KLHL4: variants seen among roughly 807,000 people sequenced by gnomAD.
The protein encoded by KLHL4 is kelch like family member 4.
KLHL4 carries 17 observed loss-of-function variants against 45.8 expected under a neutral mutation model. That is an observed-to-expected ratio of 0.37 (90% CI 0.25 to 0.56). The LOEUF (loss-of-function observed/expected upper bound fraction) is 0.56. Among genes scored for constraint, KLHL4 ranks in the 20% least tolerant of loss-of-function variants. KLHL4 has a pLI of 0.79. For missense variants in KLHL4, 544 were observed against 544.9 expected (o/e 1.00, Z 0.02); for synonymous variants, 224 against 189.9 (o/e 1.18, Z -1.47).
chrX:87,633,694 A>G (rs1923171208), intron 7 of KLHL4, 55 bp from the exon 8 acceptor site: 2 of 1,006,840 alleles, frequency 2.0e-6, no homozygotes, highest in Non-Finnish European at 2.7e-6. Context: ...AAATGAAACA[A>G]TATTCAGTGT....
At chrX:87,583,692 C>T (rs1921363120) in intron 1 of KLHL4, among the ~76,000 whole-genome samples, 2 of 111,583 alleles carry the variant, frequency 1.8e-5, no homozygotes, top group Non-Finnish European at 1.9e-5. Context: ...AGTACATTGA[C>T]GGCCTTGGGT....
At chrX:87,593,844 G>C (rs971917917) in intron 1 of KLHL4, among the ~76,000 whole-genome samples, 4 of 111,270 alleles carry the variant, frequency 3.6e-5, no homozygotes, top group African/African-American at 1.3e-4. Context: ...GATCTTCACA[G>C]CCATCACCTT....
chrX:87,665,631 C>T (rs1231658501), intron 10 of KLHL4, among the ~76,000 whole-genome samples: 1 of 111,638 alleles, frequency 9.0e-6, no homozygotes, highest in Non-Finnish European at 1.9e-5. Context: ...ATATTTAATA[C>T]TTTGTCAATT....
intron 1 of KLHL4, among the ~76,000 whole-genome samples, chrX:87,579,231 T>C (rs1156578804): frequency 9.0e-6 from 1 of 111,004 alleles, no homozygotes; most frequent in Non-Finnish European, 1.9e-5. Flanking sequence ...AAAATCAGTC[T>C]GTAAATCTCT....
chrX:87,603,279 T>C (rs1002682299), intron 1 of KLHL4, among the ~76,000 whole-genome samples: 3 of 111,956 alleles, frequency 2.7e-5, no homozygotes, highest in Non-Finnish European at 5.6e-5. Flanking sequence ...GAGGCAAGCA[T>C]AACATCAAAA....
chrX:87,567,854 G>T (rs1211771012), intron 1 of KLHL4, among the ~76,000 whole-genome samples: 1 of 110,592 alleles, frequency 9.0e-6, no homozygotes, highest in African/African-American at 3.3e-5. Context: ...CCTAATGGGT[G>T]TTGTGCTCAC....
intron 1 of KLHL4, among the ~76,000 whole-genome samples, chrX:87,520,369 T>G (rs1930976340): frequency 8.9e-6 from 1 of 112,324 alleles, no homozygotes; most frequent in Admixed American, 9.5e-5. Context: ...GTAGTGAGTG[T>G]GGAGAATTAT....
rs1343215771 is a variant in KLHL4, at chrX:87,664,811, T to C, written c.1973T>C (p.Val658Ala). The C allele has an allele frequency of 8.3e-7, 1 of 1,202,109 alleles. No homozygotes were observed. The highest frequency in any genetic ancestry group is 1.1e-6 in the Non-Finnish European group (1 of 888,886). The change falls in exon 10 of 11, where the codon GTT (valine) becomes GCT (alanine). Residue 658 changes from valine (V) to alanine (A), a missense_variant. Physicochemically the swap from Val to Ala is moderately conservative, Grantham distance 64 (BLOSUM62 0). Coordinates refer to ENST00000373119, the MANE Select transcript of KLHL4 (RefSeq NM_019117.5). ...DSWSTVAPLS[V>A]PRDAVAVCPL... ...TGGTCAACTGTGGCACCTCTGAGTG[T>C]TCCTCGAGATGCTGTTGCTGTGTGC...
At chrX:87,587,498 A>G (rs1921519109) in intron 1 of KLHL4, among the ~76,000 whole-genome samples, 1 of 112,025 alleles carries the variant, frequency 8.9e-6, no homozygotes. Context: ...CAACATATGC[A>G]AATTAATCAA....
intron 5 of KLHL4, 83 bp downstream of exon 5, chrX:87,622,506 AT>A (rs977527769): frequency 6.4e-6 from 4 of 620,780 alleles, no homozygotes; most frequent in Non-Finnish European, 9.7e-6. Context: ...GCCTAATTTT[AT>A]TTTTTCAGAA....
At chrX:87,654,747 T>A (rs1923932394) in intron 9 of KLHL4, among the ~76,000 whole-genome samples, 1 of 111,967 alleles carries the variant, frequency 8.9e-6, no homozygotes, top group African/African-American at 3.2e-5. Context: ...ATTGTACTTA[T>A]TTGCATTCCC....
intron 1 of KLHL4, among the ~76,000 whole-genome samples, chrX:87,561,368 G>A (rs1473049673): frequency 1.8e-5 from 2 of 110,977 alleles, no homozygotes; most frequent in East Asian, 5.7e-4. Flanking sequence ...TGTGCTTGAG[G>A]GAGGGGAAAG....
At chrX:87,622,693 G>T (rs1922793036) in intron 5 of KLHL4, among the ~76,000 whole-genome samples, 1 of 88,457 alleles carries the variant, frequency 1.1e-5, no homozygotes, top group African/African-American at 4.2e-5. Context: ...GTAAAAAGCT[G>T]GGAAAATGAC....
chrX:87,597,723 C>A (rs1921883680), intron 1 of KLHL4, among the ~76,000 whole-genome samples: 1 of 111,629 alleles, frequency 9.0e-6, no homozygotes, highest in Non-Finnish European at 1.9e-5. Flanking sequence ...GGGAATCCAA[C>A]TTTAAGACTG....
At position 87,666,466 on chromosome X, in the gene KLHL4, G is replaced by C. The variant is rs1924372373; in HGVS notation, c.2098-9G>C. On this transcript the variant is annotated splice_polypyrimidine_tract_variant and intron_variant, in intron 10 of 10. Transcript: ENST00000373119. ...CCAACAGTGTTTTGTTTCTTATTTT[G>C]TGTTTTAGGAAGTTCCTGTTAACAT... 2 of 1,172,204 alleles carry C rather than the reference G, an allele frequency of 1.7e-6. No homozygotes were observed. The highest frequency in any genetic ancestry group is 2.3e-6 in the Non-Finnish European group (2 of 866,581).
In KLHL4 at chrX:87,616,253, A is replaced by C. The variant is rs1430502380; in HGVS notation, c.728-1679A>C. Reference sequence around the variant, plus strand: ...TTGATCTGCGTCTCAGATGGGTTTTATGTAACTCTAGCGGTATGCATGCTA... The same window carrying C: ...TTGATCTGCGTCTCAGATGGGTTTTCTGTAACTCTAGCGGTATGCATGCTA... On this transcript the variant is annotated intron_variant, in intron 3 of 10. Transcript: ENST00000373119. Among the ~76,000 whole-genome samples, 11 of 111,301 alleles carry C rather than the reference A, an allele frequency of 9.9e-5. No homozygotes were observed. The Admixed American group carries it at 1.1e-3, about 11-fold the overall frequency.
chrX:87,665,080 C>G, intron 10 of KLHL4, 145 bp downstream of exon 10: 1 of 400,773 alleles, frequency 2.5e-6, no homozygotes, highest in Non-Finnish European at 4.2e-6. Context: ...TCTATCTATG[C>G]CTTAGAGAAT....
At chrX:87,566,753 T>C (rs2147787819) in intron 1 of KLHL4, among the ~76,000 whole-genome samples, 1 of 111,473 alleles carries the variant, frequency 9.0e-6, no homozygotes, top group Admixed American at 9.6e-5. Context: ...CCAAGTGGGA[T>C]TTATTCTGGT....
chrX:87,600,976 G>T (rs1921999300), intron 1 of KLHL4, among the ~76,000 whole-genome samples: 1 of 111,612 alleles, frequency 9.0e-6, no homozygotes, highest in African/African-American at 3.3e-5. Context: ...GATGTGGTTG[G>T]CTCTGTGTCC....
Sources: allele counts gnomAD v4.1 joint callset (sites outside exome capture counted in the v4.1 genomes callset), GRCh38; gene constraint gnomAD v4.1.1; transcripts MANE v1.5; gene names NCBI Gene and HGNC (gene_info 2026-07-23, HGNC 2026-07-21).